The following FAT3 variants were observed in gnomAD, a reference collection of about 807,000 sequenced individuals.
FAT3 encodes FAT atypical cadherin 3.
Under a neutral mutation model 310.2 loss-of-function variants are expected in FAT3, and 95 were observed. The observed-to-expected ratio is 0.31, with a 90% CI of 0.26 to 0.36. The LOEUF (loss-of-function observed/expected upper bound fraction) is 0.36, where lower values mean the gene tolerates loss of function less well. Among genes scored for constraint, FAT3 ranks in the 10% least tolerant of loss-of-function variants. FAT3 has a pLI of 1.00. For missense variants in FAT3, 5,408 were observed against 5,715.6 expected (o/e 0.95, Z 1.74); for synonymous variants, 2,314 against 2,192.9 (o/e 1.06, Z -1.54).
intron 2 of FAT3, among the ~76,000 whole-genome samples, chr11:92,378,756 A>C (rs182262756): frequency 6.6e-6 from 1 of 152,230 alleles, no homozygotes; most frequent in East Asian, 1.9e-4. Flanking sequence ...TTCTCACATT[A>C]CTAGAGGCTT....
chr11:92,426,636 C>G (rs1950640521), intron 2 of FAT3, among the ~76,000 whole-genome samples: 1 of 152,242 alleles, frequency 6.6e-6, no homozygotes, highest in South Asian at 2.1e-4. Context: ...TTAGGGAATC[C>G]TTTCCCCATT....
chr11:92,495,167 G>GT (rs1952717608), intron 2 of FAT3, among the ~76,000 whole-genome samples: 1 of 151,960 alleles, frequency 6.6e-6, no homozygotes, highest in African/African-American at 2.4e-5. Flanking sequence ...TTTCAAAGAG[G>GT]TTTTGTAAAC....
At position 92,318,338 on chromosome 11, in the gene FAT3, A is replaced by G. The variant is rs540836704; in HGVS notation, c.-17-33758A>G. ...ATTTGTGCCTCCAATTTCTTTTTTC[A>G]CGTAGTCATTTCAAAGCATTCTCTC... is the stretch of plus-strand genomic sequence containing the variant. On this transcript the variant is annotated intron_variant, in intron 1 of 27. Coordinates refer to ENST00000525166, the MANE Select transcript of FAT3 (RefSeq NM_001367949.2). Among the ~76,000 whole-genome samples the G allele has an allele frequency of 1.1e-4, 16 of 152,264 alleles. 1 individual carries two copies. The East Asian group carries it at 3.1e-3, about 30-fold the overall frequency.
At chr11:92,675,462 C>A (rs1243124560) in intron 3 of FAT3, among the ~76,000 whole-genome samples, 1 of 152,140 alleles carries the variant, frequency 6.6e-6, no homozygotes, top group African/African-American at 2.4e-5. Flanking sequence ...TTTCTCTGGG[C>A]AGATGTGTTA....
At chr11:92,864,085 A>G (rs1057234825) in intron 21 of FAT3, among the ~76,000 whole-genome samples, 8 of 152,238 alleles carry the variant, frequency 5.3e-5, no homozygotes, top group Admixed American at 2.0e-4. Context: ...CCGTGTTAGT[A>G]TGAGATAATT....
At chr11:92,885,961 C>A (rs1949786245) in intron 24 of FAT3, among the ~76,000 whole-genome samples, 1 of 152,198 alleles carries the variant, frequency 6.6e-6, no homozygotes, top group Non-Finnish European at 1.5e-5. Flanking sequence ...CTGTTCCTGA[C>A]ACCACCCTTT....
chr11:92,837,375 T>C (rs921907084), intron 16 of FAT3, among the ~76,000 whole-genome samples: 1 of 152,158 alleles, frequency 6.6e-6, no homozygotes, highest in Non-Finnish European at 1.5e-5. Flanking sequence ...TTGGCAACGT[T>C]TGGAGACATT....
intron 13 of FAT3, among the ~76,000 whole-genome samples, chr11:92,813,158 C>T (rs1385081148): frequency 6.6e-6 from 1 of 152,136 alleles, no homozygotes; most frequent in Non-Finnish European, 1.5e-5. Context: ...TTATAAATTA[C>T]CCAGTCTCCG....
intron 7 of FAT3, among the ~76,000 whole-genome samples, chr11:92,787,347 CTT>C (rs889426056): frequency 4.0e-5 from 6 of 151,884 alleles, no homozygotes; most frequent in Admixed American, 1.3e-4. Flanking sequence ...GAATATATCT[CTT>C]TTGTAAATTT....
chr11:92,540,780 T>G (rs1346043346), intron 3 of FAT3, among the ~76,000 whole-genome samples: 3 of 33,834 alleles, frequency 8.9e-5, no homozygotes, highest in Admixed American at 5.1e-4. Context: ...GTTTTGTTTT[T>G]TTTGACACAG....
At chr11:92,508,062 T>G (rs1174607317) in intron 2 of FAT3, among the ~76,000 whole-genome samples, 1 of 152,122 alleles carries the variant, frequency 6.6e-6, no homozygotes, top group Non-Finnish European at 1.5e-5. Context: ...ATAAATGTAG[T>G]TATAAGTTTT....
chr11:92,542,076 A>G (rs999271356), intron 3 of FAT3, among the ~76,000 whole-genome samples: 12 of 152,104 alleles, frequency 7.9e-5, no homozygotes, highest in Non-Finnish European at 1.6e-4. Flanking sequence ...TGCCAAGAAC[A>G]CACAATGGAG....
At chr11:92,323,537 G>A (rs907060811) in intron 1 of FAT3, among the ~76,000 whole-genome samples, 12 of 151,422 alleles carry the variant, frequency 7.9e-5, no homozygotes, top group African/African-American at 2.9e-4. Flanking sequence ...ATAGGCATAA[G>A]CCACTGCACC....
chr11:92,616,498 G>C (rs1326646461), intron 3 of FAT3, among the ~76,000 whole-genome samples: 1 of 152,140 alleles, frequency 6.6e-6, no homozygotes, highest in Non-Finnish European at 1.5e-5. Context: ...ATATTGTTAT[G>C]TGTGAATTTG....
chr11:92,676,586 A>G (rs1475317509), intron 3 of FAT3, among the ~76,000 whole-genome samples: 1 of 152,208 alleles, frequency 6.6e-6, no homozygotes, highest in Non-Finnish European at 1.5e-5. Flanking sequence ...TTCCATTTCA[A>G]TACATTTTTG....
At chr11:92,847,490 A>G (rs1204440901) in intron 19 of FAT3, among the ~76,000 whole-genome samples, 1 of 152,208 alleles carries the variant, frequency 6.6e-6, no homozygotes, top group Non-Finnish European at 1.5e-5. Flanking sequence ...TAAGCAATTC[A>G]TGACCGTAAT....
chr11:92,287,192 C>G (rs1387350254), intron 1 of FAT3, among the ~76,000 whole-genome samples: 3 of 152,068 alleles, frequency 2.0e-5, no homozygotes. Context: ...CAATCACAGC[C>G]TTGGAGAATT....
chr11:92,588,603 T>G lies in FAT3; in HGVS notation c.3607+63655T>G, dbSNP rs141518673. The stretch of plus-strand genomic sequence containing the variant: ...AAAACACTCCACAGAGGAAAATGGG[T>G]ATTTATTCTGCCTTAGATGAAAAGA... On this transcript the variant is annotated intron_variant, in intron 3 of 27. Transcript: ENST00000525166. Among the ~76,000 whole-genome samples, 445 of 152,216 alleles carry G rather than the reference T, an allele frequency of 2.9e-3. 1 individual carries two copies. Among genetic ancestry groups the G allele is most frequent in the Middle Eastern group, 6.8e-3 (2 of 294 alleles).
At chr11:92,232,832 T>C (rs1207730719) in intron 1 of FAT3, among the ~76,000 whole-genome samples, 1 of 152,120 alleles carries the variant, frequency 6.6e-6, no homozygotes, top group Non-Finnish European at 1.5e-5. Context: ...ATTTTTGGCC[T>C]AGCAACTTAG....
Sources: gnomAD v4.1 joint callset for allele counts (sites outside exome capture counted in the v4.1 genomes callset) on GRCh38, gnomAD v4.1.1 for gene constraint, MANE v1.5 for transcripts, NCBI Gene and HGNC (gene_info 2026-07-23, HGNC 2026-07-21) for gene names.